Variants in LRRC27 observed in about 807,000 individuals in gnomAD.
The protein encoded by LRRC27 is leucine-rich repeat-containing protein 27.
A neutral mutation model predicts 55.0 loss-of-function variants in LRRC27; 57 were observed. The ratio of observed to expected loss-of-function variants is 1.04; its 90% CI spans 0.84 to 1.29. The LOEUF is 1.29. Ranked by LOEUF, LRRC27 falls within the 50% of genes most tolerant of loss-of-function variation. The pLI, the probability that LRRC27 is intolerant of heterozygous loss-of-function variation, is 0.00. For missense variants in LRRC27, 721 were observed against 651.5 expected, an observed-to-expected ratio of 1.11 and a Z score of -1.16; for synonymous variants, 278 against 251.9, an observed-to-expected ratio of 1.10 and a Z score of -0.98.
intron 8 of LRRC27, among the ~76,000 whole-genome samples, chr10:132,359,951 A>G (rs2068531734): frequency 6.6e-6 from 1 of 152,158 alleles, no homozygotes; most frequent in Admixed American, 6.5e-5. Flanking sequence ...TTGCTTGCTC[A>G]CTCAAGAGCT....
chr10:132,360,594 G>A (rs964799513), intron 8 of LRRC27, among the ~76,000 whole-genome samples: 1 of 152,020 alleles, frequency 6.6e-6, no homozygotes, highest in Admixed American at 6.6e-5. Flanking sequence ...CCATCTTTCC[G>A]CCCTTTCTGG....
intron 5 of LRRC27, among the ~76,000 whole-genome samples, chr10:132,346,732 A>G (rs750599331): frequency 5.9e-5 from 9 of 152,172 alleles, no homozygotes; most frequent in African/African-American, 1.4e-4. Flanking sequence ...TTTCATTTTC[A>G]TGAATTTCAG....
intron 9 of LRRC27, among the ~76,000 whole-genome samples, chr10:132,364,409 A>ACACC (rs1554900420): frequency 6.0e-5 from 1 of 16,764 alleles, no homozygotes; most frequent in Non-Finnish European, 2.0e-4. Flanking sequence ...ATCTACCTCC[A>ACACC]CACCCGCGCT....
In LRRC27 at chr10:132,361,466, A is replaced by G. The variant is rs2068612053; in HGVS notation, c.1180A>G (p.Lys394Glu). 1.9e-6 allele frequency: 3 copies of G among 1,612,560 alleles called. No homozygotes were observed. Among genetic ancestry groups the G allele is most frequent in the Non-Finnish European group, 2.5e-6 (3 of 1,178,752 alleles). ...TGTTGCATTTTCCTAGGTGGCATCA[A>G]AGATTCCCTCTGCCACAGATCTGAT... ...LPPRRSMVAS[K>E]IPSATDLIDN... is the part of the protein sequence containing the mutation. The change falls in exon 9 of 11, where the codon AAG (lysine) becomes GAG (glutamate). Residue 394 changes from lysine to glutamate, a missense_variant. Physicochemically the swap from Lys to Glu is moderately conservative, Grantham distance 56. Transcript: ENST00000368614.
intron 4 of LRRC27, among the ~76,000 whole-genome samples, chr10:132,342,586 G>A (rs933575710): frequency 6.6e-6 from 1 of 152,154 alleles, no homozygotes; most frequent in Non-Finnish European, 1.5e-5. Context: ...GCTGCATCTC[G>A]CTGGCCTTCC....
At position 132,333,538 on chromosome 10, in the gene LRRC27, G is replaced by T; in HGVS notation, c.14G>T (p.Ser5Ile). The change falls in exon 2 of 11, where the codon AGC (serine) becomes ATC (isoleucine). Residue 5 changes from serine (S) to isoleucine (I), a missense_variant. Transcript: ENST00000368614. MEGS[S>I]SYEVPSVAAA... ...GGAAGAGAACGGATGGAGGGAAGCA[G>T]CTCCTACGAAGTTCCCTCTGTGGCT... The T allele has an allele frequency of 2.5e-6, 4 of 1,603,876 alleles. No homozygotes were observed. The highest frequency in any genetic ancestry group is 3.4e-6 in the Non-Finnish European group (4 of 1,174,798).
chr10:132,331,939 C>CTCT (rs2066783170), upstream of LRRC27: 1 of 589,904 alleles, frequency 1.7e-6, no homozygotes, highest in Non-Finnish European at 2.8e-6. Context: ...AAGCGCAACC[C>CTCT]CCCGCCCCAG....
chr10:132,355,767 A>G (rs1564843441), intron 7 of LRRC27, 23 bp from the exon 8 acceptor site: 1 of 1,519,058 alleles, frequency 6.6e-7, no homozygotes, highest in South Asian at 1.2e-5. Context: ...GTAACTTATG[A>G]CATTAACCTT....
At chr10:132,345,479 G>C (rs902182577) in intron 5 of LRRC27, among the ~76,000 whole-genome samples, 2 of 152,242 alleles carry the variant, frequency 1.3e-5, no homozygotes, top group Non-Finnish European at 2.9e-5. Flanking sequence ...TGTTGGCCCT[G>C]TGCTTGCTGA....
intron 7 of LRRC27, among the ~76,000 whole-genome samples, chr10:132,352,412 C>T (rs1455411707): frequency 9.6e-6 from 1 of 104,132 alleles, no homozygotes; most frequent in Non-Finnish European, 1.9e-5. Context: ...TTTGTAGCCC[C>T]GAGGCCTCCG....
rs1386524853 is a variant in LRRC27, at chr10:132,374,298, G to C, written c.1417-768G>C. ...CTGCACTGGAGGTAGTGTCCAACCT[G>C]TGCCCCCAGCAAGGCAAGCCGGGGA... On this transcript the variant is annotated intron_variant, in intron 10 of 10. Transcript: ENST00000368614. This position sits in a 1 kb window ranked among gnomAD's most constrained non-coding sequence, Gnocchi z 4.4. Among the ~76,000 whole-genome samples, 1 of 152,148 alleles carries C rather than the reference G, an allele frequency of 6.6e-6. No homozygotes were observed. Among genetic ancestry groups the C allele is most frequent in the Non-Finnish European group, 1.5e-5 (1 of 68,016 alleles).
In LRRC27 at chr10:132,351,712, A is replaced by G. The variant is rs1362093681; in HGVS notation, c.1032A>G (p.Arg344=). Residue 344 remains arginine, a synonymous_variant, in exon 7 of 11, where the codon CGA becomes CGG. Coordinates refer to ENST00000368614, the MANE Select transcript of LRRC27 (RefSeq NM_030626.3). Reference sequence around the variant, plus strand: ...AAGAGAGCCGAGCGGCGGCGCTCCGAGAGCTCCAGGAGAAGCAGGCTCTGA... The same window carrying G: ...AAGAGAGCCGAGCGGCGGCGCTCCGGGAGCTCCAGGAGAAGCAGGCTCTGA... ...RLEESRAAAL[R]ELQEKQALME... is the part of the protein sequence containing the mutation. The G allele has an allele frequency of 2.5e-6, 4 of 1,613,534 alleles. No individual in the cohort carries two copies. The African/African-American group carries it at 4.0e-5, about 16-fold the overall frequency.
chr10:132,359,698 G>C (rs1028131494), intron 8 of LRRC27, among the ~76,000 whole-genome samples: 42 of 152,236 alleles, frequency 2.8e-4, no homozygotes, highest in Admixed American at 2.5e-3. Flanking sequence ...CTGCTGAAAG[G>C]GCTGCAGAGC....
intron 6 of LRRC27, chr10:132,350,823 G>A (rs1162342159): frequency 6.6e-6 from 1 of 152,348 alleles, no homozygotes; most frequent in Non-Finnish European, 1.5e-5. Flanking sequence ...TGATGCAAGG[G>A]TCATGGTGAG....
chr10:132,333,711 GTCTTTAGA>G lies in LRRC27; in HGVS notation c.188_195del (p.Val63AspfsTer37), dbSNP rs2066954183. 1 of 1,613,426 alleles carries G rather than the reference GTCTTTAGA, an allele frequency of 6.2e-7. No individual in the cohort carries two copies. The stretch of plus-strand genomic sequence containing the variant: ...AAGTGGTCTGTGCCGTTTGGAGGAG[GTCTTTAGA>G]ATCCCCAGCCTTCAAGTAAGTGGGG... On this transcript the variant is annotated frameshift_variant, in exon 2 of 11. Transcript: ENST00000368614. LOFTEE classifies it high-confidence loss of function.
In LRRC27 at chr10:132,344,307, C is replaced by T. The variant is rs146568755; in HGVS notation, c.401-191C>T. Among the ~76,000 whole-genome samples the T allele has an allele frequency of 2.0e-5, 3 of 152,332 alleles. No individual in the cohort carries two copies. In the East Asian group the frequency reaches 5.8e-4, roughly 29 times the overall value. Reference sequence around the variant, plus strand: ...TTTGTTTTTTGGAAACCATCCTGGTCTTAATTTGCGGAATCCGTCTCCTGC... The same window carrying T: ...TTTGTTTTTTGGAAACCATCCTGGTTTTAATTTGCGGAATCCGTCTCCTGC... On this transcript the variant is annotated intron_variant, in intron 4 of 10. Coordinates refer to ENST00000368614, the MANE Select transcript of LRRC27 (RefSeq NM_030626.3).
chr10:132,353,055 C>T, intron 7 of LRRC27: 1 of 1,549,446 alleles, frequency 6.5e-7, no homozygotes, highest in East Asian at 2.4e-5. Context: ...GACCACCTGG[C>T]TTCACCCCTC....
At chr10:132,364,413 C>CCACACTTACACCCA (rs1564853217) in intron 9 of LRRC27, among the ~76,000 whole-genome samples, 1 of 145,292 alleles carries the variant, frequency 6.9e-6, no homozygotes, top group African/African-American at 2.6e-5. Flanking sequence ...ACCTCCACAC[C>CCACACTTACACCCA]CGCGCTTACA....
At chr10:132,344,477 T>G (rs756235309) in intron 4 of LRRC27, 21 bp from the exon 5 acceptor site, 15 of 1,583,776 alleles carry the variant, frequency 9.5e-6, no homozygotes, top group Non-Finnish European at 1.2e-5. Flanking sequence ...ATGCTGACAG[T>G]TTTTTTTTCC....
Sources: gnomAD v4.1 joint callset for allele counts (sites outside exome capture counted in the v4.1 genomes callset) on GRCh38, gnomAD v4.1.1 for gene constraint, Gnocchi (gnomAD v3.1) non-coding constraint, MANE v1.5 for transcripts, NCBI Gene and HGNC (gene_info 2026-07-23, HGNC 2026-07-21) for gene names.